Variants in CDK13 observed in about 807,000 individuals in gnomAD.
The protein encoded by CDK13 is cyclin dependent kinase 13.
Under a neutral mutation model 137.6 loss-of-function variants are expected in CDK13, and 40 were observed. The observed-to-expected ratio is 0.29, with a 90% CI of 0.23 to 0.38. The LOEUF (loss-of-function observed/expected upper bound fraction) is 0.38, where lower values mean the gene tolerates loss of function less well. CDK13 is among the 10% of genes least tolerant of loss of function. CDK13 has a pLI of 1.00. For missense variants in CDK13, 1,704 were observed against 1,951.8 expected (o/e 0.87, Z 2.39); for synonymous variants, 869 against 760.1 (o/e 1.14, Z -2.36).
intron 5 of CDK13, among the ~76,000 whole-genome samples, chr7:40,022,152 G>A (rs188212988): frequency 2.0e-4 from 31 of 152,312 alleles, no homozygotes; most frequent in African/African-American, 7.2e-4. Flanking sequence ...GAGGACCAGA[G>A]TTTTCTTAGG....
chr7:39,995,719 A>G (rs937745345), intron 2 of CDK13, among the ~76,000 whole-genome samples: 1 of 152,220 alleles, frequency 6.6e-6, no homozygotes, highest in African/African-American at 2.4e-5. Flanking sequence ...TTAAAAATAA[A>G]ACTGCAGGCC....
chr7:40,048,652 TTAATA>T (rs996046720), intron 7 of CDK13: 1 of 151,808 alleles, frequency 6.6e-6, no homozygotes, highest in Non-Finnish European at 1.5e-5. Context: ...TCACCATAAT[TTAATA>T]TAATGAAACA....
At chr7:39,991,986 A>AGGATGCAGTGAGCT (rs1327294115) in intron 2 of CDK13, among the ~76,000 whole-genome samples, 3 of 151,990 alleles carry the variant, frequency 2.0e-5, no homozygotes, top group Non-Finnish European at 4.4e-5. Context: ...CAAGAGGTCG[A>AGGATGCAGTGAGCT]GGATGCAGTG....
chr7:40,005,174 C>CAAA lies in CDK13; in HGVS notation c.2353+3155_2353+3157dup, dbSNP rs34773950. 4.1e-3 allele frequency among the ~76,000 whole-genome samples: 574 copies of CAAA among 138,658 alleles called. 6 individuals carry two copies. Among genetic ancestry groups the CAAA allele is most frequent in the African/African-American group, 0.015 (549 of 37,356 alleles). The allele number at this position is 138,658 out of a possible 152,430, so 91.0% of individuals were successfully genotyped here. A position where few individuals can be genotyped will look rare whatever the true frequency, so the allele number is the denominator to read the frequency against. The stretch of plus-strand genomic sequence containing the variant: ...AAGTGACAGAGCGAGACTCTTGTCT[C>CAAA]AAAAAAAAAAAAAAGGAAAACATCA... On this transcript the variant is annotated intron_variant, in intron 5 of 13. Transcript: ENST00000181839.
At chr7:39,974,165 G>A (rs942293127) in intron 1 of CDK13, among the ~76,000 whole-genome samples, 1 of 152,008 alleles carries the variant, frequency 6.6e-6, no homozygotes, top group Non-Finnish European at 1.5e-5. Context: ...AAAATTTTTT[G>A]TTTCATCACT....
intron 11 of CDK13, among the ~76,000 whole-genome samples, chr7:40,081,901 C>T (rs573487906): frequency 1.3e-5 from 2 of 152,126 alleles, no homozygotes; most frequent in Non-Finnish European, 2.9e-5. Context: ...TGTGAGCCAC[C>T]GTGCCCAGCC....
chr7:40,012,126 C>A (rs1313890837), intron 5 of CDK13, among the ~76,000 whole-genome samples: 2 of 152,004 alleles, frequency 1.3e-5, no homozygotes, highest in Non-Finnish European at 1.5e-5. Flanking sequence ...AAACAAAACA[C>A]CACCAACAAC....
At chr7:39,957,728 A>G (rs1248789679) in intron 1 of CDK13, among the ~76,000 whole-genome samples, 1 of 152,224 alleles carries the variant, frequency 6.6e-6, no homozygotes, top group African/African-American at 2.4e-5. Context: ...GTGCTGATCA[A>G]GATAAATTCT....
At chr7:40,025,226 G>A (rs1785219496) in intron 5 of CDK13, among the ~76,000 whole-genome samples, 1 of 152,082 alleles carries the variant, frequency 6.6e-6, no homozygotes, top group African/African-American at 2.4e-5. Flanking sequence ...GCCTATCAAA[G>A]CATTATAATA....
At chr7:40,033,292 T>C (rs1049582182) in intron 5 of CDK13, among the ~76,000 whole-genome samples, 1 of 152,162 alleles carries the variant, frequency 6.6e-6, no homozygotes, top group Admixed American at 6.5e-5. Flanking sequence ...AGAGTTTCCA[T>C]TTCTCTGCTT....
chr7:39,975,640 A>T (rs900729722), intron 1 of CDK13, among the ~76,000 whole-genome samples: 4 of 152,314 alleles, frequency 2.6e-5, no homozygotes, highest in Admixed American at 2.0e-4. Context: ...AAATGATGAG[A>T]GAGAGCCCGC....
At chr7:40,061,229 A>G (rs992328249) in intron 7 of CDK13, 1 of 152,238 alleles carries the variant, frequency 6.6e-6, no homozygotes, top group Non-Finnish European at 1.5e-5. Flanking sequence ...TGAGAAAAGT[A>G]CATTAATAAT....
chr7:40,054,879 A>C (rs899867744), intron 7 of CDK13, among the ~76,000 whole-genome samples: 8 of 152,194 alleles, frequency 5.3e-5, no homozygotes, highest in African/African-American at 1.9e-4. Context: ...AGATTTACAA[A>C]TGAAAGTATT....
At chr7:40,031,781 G>A (rs1216155425) in intron 5 of CDK13, among the ~76,000 whole-genome samples, 9 of 150,904 alleles carry the variant, frequency 6.0e-5, no homozygotes, top group Non-Finnish European at 1.3e-4. Context: ...GAGTAGCCGG[G>A]ACTGCAGGCA....
intron 12 of CDK13, 108 bp from the exon 13 acceptor site, chr7:40,092,677 C>G (rs1040236246): frequency 1.4e-6 from 1 of 723,196 alleles, no homozygotes; most frequent in African/African-American, 1.8e-5. Flanking sequence ...TTCTTAAATA[C>G]TCTCCCTCAA....
At chr7:40,019,248 C>T (rs368482075) in intron 5 of CDK13, among the ~76,000 whole-genome samples, 48 of 152,198 alleles carry the variant, frequency 3.2e-4, no homozygotes, top group Non-Finnish European at 6.9e-4. Context: ...CTATTTAAGT[C>T]ATTCCCTCTA....
intron 7 of CDK13, among the ~76,000 whole-genome samples, chr7:40,053,315 C>A (rs1251258724): frequency 1.3e-5 from 2 of 152,150 alleles, no homozygotes; most frequent in African/African-American, 4.8e-5. Flanking sequence ...TATTTCATTC[C>A]CCAGAAAAAT....
In CDK13 at chr7:40,003,190, ACACACACACACACACACTCTCT is replaced by A. The variant is rs1282266000; in HGVS notation, c.2353+1161_2353+1182del. Among the ~76,000 whole-genome samples, 163 of 98,408 alleles carry A rather than the reference ACACACACACACACACACTCTCT, an allele frequency of 1.7e-3. 1 individual carries two copies. Among genetic ancestry groups the A allele is most frequent in the Admixed American group, 2.7e-3 (25 of 9,290 alleles). 64.6% of individuals were successfully genotyped at this position (98,408 alleles called of 152,430 possible). A position where few individuals can be genotyped will look rare whatever the true frequency, so the allele number is the denominator to read the frequency against. On this transcript the variant is annotated intron_variant, in intron 5 of 13. Coordinates refer to ENST00000181839, the MANE Select transcript of CDK13 (RefSeq NM_003718.5). ...CACACACACACACACACACACACACACACACACACACACACACTCTCTCTCTCTCTCTCTCTTACTCTGTTGA... is the reference window on the plus strand; with the variant it reads ...CACACACACACACACACACACACACACTCTCTCTCTCTCTTACTCTGTTGA...
At chr7:39,980,274 G>A (rs1784196444) in intron 1 of CDK13, among the ~76,000 whole-genome samples, 1 of 152,170 alleles carries the variant, frequency 6.6e-6, no homozygotes, top group Non-Finnish European at 1.5e-5. Flanking sequence ...GAATGGTAAG[G>A]AGTAGATGTT....
Sources: gnomAD v4.1 joint callset for allele counts (sites outside exome capture counted in the v4.1 genomes callset) on GRCh38, gnomAD v4.1.1 for gene constraint, MANE v1.5 for transcripts, NCBI Gene and HGNC (gene_info 2026-07-23, HGNC 2026-07-21) for gene names.